EDEM1: variants seen among roughly 807,000 people sequenced by gnomAD.
EDEM1 encodes the protein ER degradation-enhancing alpha-mannosidase-like protein 1.
Under a neutral mutation model 74.4 loss-of-function variants are expected in EDEM1, and 67 were observed. That is an observed-to-expected ratio of 0.90 (90% CI 0.74 to 1.10). The LOEUF (loss-of-function observed/expected upper bound fraction) is 1.10, where lower values mean the gene tolerates loss of function less well. Ranked by LOEUF, EDEM1 falls within the 50% of genes least tolerant of loss-of-function variation. The pLI is 0.00. For synonymous variants in EDEM1, 382 were observed against 335.9 expected (o/e 1.14, Z -1.50); for missense variants, 926 against 851.6 (o/e 1.09, Z -1.09).
intron 11 of EDEM1, among the ~76,000 whole-genome samples, chr3:5,215,336 G>C (rs1189337349): frequency 6.6e-6 from 1 of 151,746 alleles, no homozygotes; most frequent in Non-Finnish European, 1.5e-5. Context: ...TAAGCATTTA[G>C]AGTTTAGTGA....
At chr3:5,202,174 G>A (rs1017734955) in intron 4 of EDEM1, among the ~76,000 whole-genome samples, 2 of 152,200 alleles carry the variant, frequency 1.3e-5, no homozygotes, top group Admixed American at 6.5e-5. Context: ...AAGAGTAGAT[G>A]TTCTGTGAAG....
At chr3:5,193,784 G>A (rs945862304) in intron 1 of EDEM1, among the ~76,000 whole-genome samples, 6 of 152,094 alleles carry the variant, frequency 3.9e-5, no homozygotes, top group Admixed American at 2.0e-4. Context: ...TTTTAGTAGA[G>A]ACAGGGTCTT....
rs748326318 is a variant in EDEM1, at chr3:5,205,262, C to G, written c.1217+21C>G. ...AGAGGGTATGTCTCCCTAACATCTC[C>G]TCTGTTGCCTTGTAAAGCAAATAGA... On this transcript the variant is annotated intron_variant, in intron 6 of 11. Coordinates refer to ENST00000256497, the MANE Select transcript of EDEM1 (RefSeq NM_014674.3). The G allele has an allele frequency of 6.9e-6, 11 of 1,599,836 alleles. No homozygotes were observed. The South Asian group carries it at 1.2e-4, about 18-fold the overall frequency.
chr3:5,217,863 C>CTGTT lies in EDEM1; in HGVS notation c.*1946_*1949dup, dbSNP rs915055818. ...TTTGTCTCTGGGCAAACAGGTGGGA[C>CTGTT]TGTTAGTGACCCATTTGGGAAAATA... On this transcript the variant is annotated 3_prime_UTR_variant, in exon 12 of 12. Transcript: ENST00000256497. 2 of 152,278 alleles carry CTGTT rather than the reference C, an allele frequency of 1.3e-5. No individual in the cohort carries two copies. The highest frequency in any genetic ancestry group is 2.9e-5 in the Non-Finnish European group (2 of 68,032). The allele number at this position is 152,278 out of a possible 1,614,324, so 9.4% of individuals were successfully genotyped here. A position where few individuals can be genotyped will look rare whatever the true frequency, so the allele number is the denominator to read the frequency against.
At chr3:5,190,452 G>C (rs974950079) in intron 1 of EDEM1, among the ~76,000 whole-genome samples, 1 of 152,202 alleles carries the variant, frequency 6.6e-6, no homozygotes, top group African/African-American at 2.4e-5. Flanking sequence ...CCTTAAAAGC[G>C]CTTCTGGAGA....
chr3:5,209,779 C>T lies in EDEM1; in HGVS notation c.1510-396C>T, dbSNP rs138638514. ...CCTCATGGTGCCATAACTGGAATGG[C>T]GGCAAGGTCCTCTTTCCTGTGCCTG... On this transcript the variant is annotated intron_variant, in intron 8 of 11. Transcript: ENST00000256497. Among the ~76,000 whole-genome samples the T allele has an allele frequency of 1.4e-3, 211 of 152,282 alleles. 1 individual carries two copies. The highest frequency in any genetic ancestry group is 4.9e-3 in the African/African-American group (204 of 41,552).
In EDEM1 at chr3:5,219,491, A is replaced by C. The variant is rs2055287098; in HGVS notation, c.*3573A>C. 6.6e-6 allele frequency: 1 copy of C among 152,186 alleles called. No individual in the cohort carries two copies. Among genetic ancestry groups the C allele is most frequent in the South Asian group, 2.1e-4 (1 of 4,832 alleles). The allele number at this position is 152,186 out of a possible 1,614,324, so 9.4% of individuals were successfully genotyped here. ...GGCTGGGCCCTGTGTCCCAGGTTTC[A>C]CAGGGCTCAGGGTTATGCTCCCGCT... On this transcript the variant is annotated 3_prime_UTR_variant, in exon 12 of 12. Coordinates refer to ENST00000256497, the MANE Select transcript of EDEM1 (RefSeq NM_014674.3).
chr3:5,208,377 CTGAT>C lies in EDEM1; in HGVS notation c.1509+118_1509+121del, dbSNP rs1157432065. ...AGGGTTATGTTGTTTCATAGTGACT[CTGAT>C]TGAGTTACCCCCTATCCGTAGTCTT... On this transcript the variant is annotated intron_variant, in intron 8 of 11. Transcript: ENST00000256497. 1.5e-5 allele frequency: 19 copies of C among 1,263,064 alleles called. No individual in the cohort carries two copies. The Admixed American group carries it at 1.5e-4, about 10-fold the overall frequency. 78.2% of individuals were successfully genotyped at this position (1,263,064 alleles called of 1,614,324 possible).
rs1185053014 is a variant in EDEM1 at position 5,216,289 on chromosome 3, T to TTA, written c.*371_*372insTA. On this transcript the variant is annotated 3_prime_UTR_variant, in exon 12 of 12. Coordinates refer to ENST00000256497, the MANE Select transcript of EDEM1 (RefSeq NM_014674.3). ...CTATACTGGAGTATTGCTATGTCTT[T>TTA]AAAAAATTTTTTTTATTATATTTTA... 2.3e-5 allele frequency: 4 copies of TTA among 173,000 alleles called. No individual in the cohort carries two copies. The highest frequency in any genetic ancestry group is 2.0e-4 in the South Asian group (1 of 5,052). 10.7% of individuals were successfully genotyped at this position (173,000 alleles called of 1,614,324 possible).
Position 5,211,153 on chromosome 3 carries a change from C to G in EDEM1, c.1617C>G (p.Asp539Glu), listed in dbSNP as rs552056836. 22 of 1,614,158 alleles carry G rather than the reference C, an allele frequency of 1.4e-5. No homozygotes were observed. Among genetic ancestry groups the G allele is most frequent in the South Asian group, 9.9e-5 (9 of 91,084 alleles). The change falls in exon 10 of 12, where the codon GAC becomes GAG. Residue 539 changes from aspartate (D) to glutamate (E), a missense_variant. By Grantham distance (45) the Asp-to-Glu change is conservative. Coordinates refer to ENST00000256497, the MANE Select transcript of EDEM1 (RefSeq NM_014674.3). The part of the protein sequence containing the change: ...CGYATLHHVI[D>E]KSTEDRMESF... ...ACGCCACGCTGCATCACGTCATTGA[C>G]AAGTCCACAGAAGACCGGATGGAGA... is the stretch of plus-strand genomic sequence containing the variant.
At chr3:5,192,104 C>G (rs1559293050) in intron 1 of EDEM1, among the ~76,000 whole-genome samples, 1 of 152,260 alleles carries the variant, frequency 6.6e-6, no homozygotes, top group Non-Finnish European at 1.5e-5. Flanking sequence ...TCAGGCTCCT[C>G]TTGTTTCCGT....
At chr3:5,211,855 C>T (rs1201611160) in intron 10 of EDEM1, among the ~76,000 whole-genome samples, 1 of 152,178 alleles carries the variant, frequency 6.6e-6, no homozygotes, top group Non-Finnish European at 1.5e-5. Flanking sequence ...GGTCCTGACT[C>T]CCTGTCTGGT....
chr3:5,212,715 A>G (rs995953165), intron 10 of EDEM1, among the ~76,000 whole-genome samples: 3 of 152,212 alleles, frequency 2.0e-5, no homozygotes, highest in African/African-American at 7.2e-5. Flanking sequence ...GTTGCATCCC[A>G]TATTGGGTTA....
intron 10 of EDEM1, 114 bp downstream of exon 10, chr3:5,211,330 G>GCA: frequency 1.0e-6 from 1 of 1,004,074 alleles, no homozygotes; most frequent in Non-Finnish European, 1.5e-6. Context: ...TGGACATTGT[G>GCA]CATTCCCAGG....
intron 3 of EDEM1, among the ~76,000 whole-genome samples, chr3:5,200,252 G>T (rs985851426): frequency 1.3e-5 from 2 of 152,284 alleles, no homozygotes; most frequent in African/African-American, 4.8e-5. Flanking sequence ...TTTAACGGGG[G>T]TGTAAAATAG....
rs753811182 is a variant in EDEM1, at chr3:5,187,994, TG to T, written c.196del (p.Val66TyrfsTer108). On this transcript the variant is annotated frameshift_variant, in exon 1 of 12. Transcript: ENST00000256497. LOFTEE classifies it high-confidence loss of function. ...CCACCTCGGGGCCCGTGGGCCGGCC[TG>T]GGGGGGTATCCGGGCCGTCGTGGCT... ...SPTSGPVGRP[G>X]GVSGPSWLQP... 1.6e-5 allele frequency: 24 copies of T among 1,517,428 alleles called. No homozygotes were observed. The highest frequency in any genetic ancestry group is 1.1e-4 in the East Asian group (4 of 37,508). 94.0% of individuals were successfully genotyped at this position (1,517,428 alleles called of 1,614,324 possible). A position where few individuals can be genotyped will look rare whatever the true frequency, so the allele number is the denominator to read the frequency against.
rs185132219 is a variant in EDEM1 at position 5,202,227 on chromosome 3, C to G, written c.858+303C>G. Among the ~76,000 whole-genome samples, 208 of 152,324 alleles carry G rather than the reference C, an allele frequency of 1.4e-3. 1 individual carries two copies. The highest frequency in any genetic ancestry group is 4.9e-3 in the African/African-American group (203 of 41,576). On this transcript the variant is annotated intron_variant, in intron 4 of 11. Coordinates refer to ENST00000256497, the MANE Select transcript of EDEM1 (RefSeq NM_014674.3). Reference sequence around the variant, plus strand: ...CATTTACATGTGTGATTTATATTCTCTGCTACAAAGCAGTGTGGGGAGTTT... The same window carrying G: ...CATTTACATGTGTGATTTATATTCTGTGCTACAAAGCAGTGTGGGGAGTTT...
At chr3:5,211,960 G>A (rs1383126790) in intron 10 of EDEM1, among the ~76,000 whole-genome samples, 1 of 152,132 alleles carries the variant, frequency 6.6e-6, no homozygotes, top group Non-Finnish European at 1.5e-5. Flanking sequence ...CAGAGGGCAG[G>A]ATTTCCAGGT....
At chr3:5,213,591 T>C in intron 11 of EDEM1, 69 bp downstream of exon 11, 11 of 1,441,714 alleles carry the variant, frequency 7.6e-6, no homozygotes, top group Non-Finnish European at 9.4e-6. Flanking sequence ...GCTTAGTTGT[T>C]CAGACTTCCT....
Sources: allele counts gnomAD v4.1 joint callset (sites outside exome capture counted in the v4.1 genomes callset), GRCh38; gene constraint gnomAD v4.1.1; transcripts MANE v1.5; gene names NCBI Gene and HGNC (gene_info 2026-07-23, HGNC 2026-07-21).